Variants in ANKRD29 observed in about 807,000 individuals in gnomAD.
ANKRD29 encodes the protein ankyrin repeat domain 29, also known as ankyrin repeat domain-containing protein 29.
Under a neutral mutation model 38.0 loss-of-function variants are expected in ANKRD29, and 32 were observed. The ratio of observed to expected loss-of-function variants is 0.84; its 90% confidence interval spans 0.64 to 1.13. ANKRD29 has a LOEUF of 1.13. Ranked by LOEUF, ANKRD29 falls within the 50% of genes most tolerant of loss-of-function variation. ANKRD29 has a pLI of 0.00. For missense variants in ANKRD29, 357 were observed against 377.9 expected, an observed-to-expected ratio of 0.94 and a Z score of 0.46; for synonymous variants, 135 against 152.4, an observed-to-expected ratio of 0.89 and a Z score of 0.84.
chr18:23,635,338 A>G (rs1290030592), intron 4 of ANKRD29, among the ~76,000 whole-genome samples: 1 of 151,932 alleles, frequency 6.6e-6, no homozygotes, highest in Non-Finnish European at 1.5e-5. Flanking sequence ...TAAAGCACAC[A>G]TGCTCTGATG....
Position 23,629,897 on chromosome 18 carries a change from G to A in ANKRD29, c.484C>T (p.Arg162Ter), listed in dbSNP as rs544708383. 7.4e-6 allele frequency: 12 copies of A among 1,614,144 alleles called. No homozygotes were observed. Among genetic ancestry groups the A allele is most frequent in the East Asian group, 4.5e-5 (2 of 44,882 alleles). Residue 162 changes from arginine (R) to a stop codon, truncating the protein, a stop_gained, in exon 6 of 10, where the codon CGA becomes TGA. Transcript: ENST00000592179. LOFTEE classifies it high-confidence loss of function. ...TTTGCTCCTGAAGCCAGCAGTAATCGAATAACATCCAAGTAACCACCTTGG... is the reference window on the plus strand; with the variant it reads ...TTTGCTCCTGAAGCCAGCAGTAATCAAATAACATCCAAGTAACCACCTTGG... The part of the protein sequence containing the change: ...AAQGGYLDVI[R>*]LLLASGAKVN...
chr18:23,630,967 C>CAAAAAAAAAA (rs35627642), intron 5 of ANKRD29, among the ~76,000 whole-genome samples: 3 of 89,516 alleles, frequency 3.4e-5, no homozygotes, highest in East Asian at 3.3e-4. Context: ...GACCCTGTCT[C>CAAAAAAAAAA]AAAAAAAAAA....
At position 23,601,180 on chromosome 18, in the gene ANKRD29, A is replaced by G. The variant is rs1348673450; in HGVS notation, c.*46T>C. On this transcript the variant is annotated 3_prime_UTR_variant, in exon 10 of 10. Transcript: ENST00000592179. Reference sequence around the variant, plus strand: ...TGCTTGAAATGCAATTTCTTTTTGGACAATGTGGTTAAGCTTTCTATCTTT... The same window carrying G: ...TGCTTGAAATGCAATTTCTTTTTGGGCAATGTGGTTAAGCTTTCTATCTTT... The G allele has an allele frequency of 6.5e-7, 1 of 1,541,524 alleles. No individual in the cohort carries two copies. Among genetic ancestry groups the G allele is most frequent in the Admixed American group, 1.8e-5 (1 of 56,592 alleles).
chr18:23,634,370 A>G (rs1465590327), intron 4 of ANKRD29, among the ~76,000 whole-genome samples: 1 of 144,390 alleles, frequency 6.9e-6, no homozygotes, highest in Non-Finnish European at 1.5e-5. Flanking sequence ...GCTCACTGCA[A>G]TCTCCGCCTC....
intron 5 of ANKRD29, 24 bp downstream of exon 5, chr18:23,634,026 TA>T: frequency 3.1e-6 from 5 of 1,609,896 alleles, no homozygotes; most frequent in Non-Finnish European, 4.3e-6. Flanking sequence ...AGAAATGTCC[TA>T]ATGTCCCCCT....
intron 3 of ANKRD29, among the ~76,000 whole-genome samples, chr18:23,639,769 C>T (rs2060049746): frequency 6.6e-6 from 1 of 152,184 alleles, no homozygotes; most frequent in Non-Finnish European, 1.5e-5. Flanking sequence ...GTCCTGGCCT[C>T]AAGTGAGCTG....
chr18:23,647,197 G>C (rs2060150502), intron 2 of ANKRD29: 1 of 152,170 alleles, frequency 6.6e-6, no homozygotes, highest in African/African-American at 2.4e-5. Context: ...CTGACAGTAT[G>C]ATCTTGGGCA....
chr18:23,604,616 C>T (rs573420415), intron 9 of ANKRD29, among the ~76,000 whole-genome samples: 15 of 152,042 alleles, frequency 9.9e-5, no homozygotes, highest in East Asian at 9.7e-4. Context: ...CTGCAACCTC[C>T]GCCTCCCCGG....
At chr18:23,642,039 C>G (rs2060084891) in intron 3 of ANKRD29, among the ~76,000 whole-genome samples, 1 of 152,164 alleles carries the variant, frequency 6.6e-6, no homozygotes, top group East Asian at 1.9e-4. Context: ...GATGACCTGC[C>G]TGCAGAAAAG....
At chr18:23,605,410 C>T (rs2145630277) in intron 9 of ANKRD29, among the ~76,000 whole-genome samples, 1 of 152,148 alleles carries the variant, frequency 6.6e-6, no homozygotes, top group East Asian at 1.9e-4. Context: ...CTATGTTGCC[C>T]AGGCTGGTCT....
intron 9 of ANKRD29, among the ~76,000 whole-genome samples, chr18:23,602,256 G>A (rs2059523280): frequency 6.6e-6 from 1 of 152,000 alleles, no homozygotes. Flanking sequence ...GGCTGGTCTT[G>A]AACTCCTGAC....
chr18:23,662,693 G>T lies in ANKRD29; in HGVS notation c.21+17C>A, dbSNP rs1487932636. ...GAGCCCGGCCCCAGCCCTGACCCCG[G>T]AGTCCCGGTCGCTCACCTTGAAGGA... On this transcript the variant is annotated intron_variant, in intron 1 of 9. Coordinates refer to ENST00000592179, the MANE Select transcript of ANKRD29 (RefSeq NM_173505.4). 5.7e-6 allele frequency: 8 copies of T among 1,392,258 alleles called. No individual in the cohort carries two copies. Among genetic ancestry groups the T allele is most frequent in the South Asian group, 2.6e-5 (2 of 76,228 alleles). 86.2% of individuals were successfully genotyped at this position (1,392,258 alleles called of 1,614,324 possible). A position where few individuals can be genotyped will look rare whatever the true frequency, so the allele number is the denominator to read the frequency against.
At chr18:23,661,077 TGTAA>T (rs1282512545) in intron 1 of ANKRD29, among the ~76,000 whole-genome samples, 1 of 152,256 alleles carries the variant, frequency 6.6e-6, no homozygotes, top group African/African-American at 2.4e-5. Flanking sequence ...AGATGCTTGG[TGTAA>T]GTGACAGCAC....
At chr18:23,636,095 G>A (rs1397125085) in intron 4 of ANKRD29, among the ~76,000 whole-genome samples, 1 of 152,164 alleles carries the variant, frequency 6.6e-6, no homozygotes, top group African/African-American at 2.4e-5. Flanking sequence ...TAACAGAAAA[G>A]ATAAAATATG....
Position 23,649,082 on chromosome 18 carries a change from C to T in ANKRD29, c.132+1G>A, listed in dbSNP as rs757633403. ...GGCATGCATCTACCGAACCACCGTA[C>T]GCTGTCTCTGCAGTCCACGTCCACC... On this transcript the variant is annotated splice_donor_variant, in intron 2 of 9. Transcript: ENST00000592179. LOFTEE classifies it high-confidence loss of function. The T allele has an allele frequency of 1.7e-5, 27 of 1,613,594 alleles. No individual in the cohort carries two copies. The highest frequency in any genetic ancestry group is 2.0e-5 in the Non-Finnish European group (24 of 1,179,806).
intron 4 of ANKRD29, among the ~76,000 whole-genome samples, chr18:23,636,324 T>A (rs2060002316): frequency 6.6e-6 from 1 of 152,182 alleles, no homozygotes; most frequent in African/African-American, 2.4e-5. Flanking sequence ...TACTTTTTTA[T>A]AGATGGGGTC....
chr18:23,609,567 C>T (rs145516673), intron 9 of ANKRD29, among the ~76,000 whole-genome samples: 194 of 152,288 alleles, frequency 1.3e-3, no homozygotes, highest in African/African-American at 4.5e-3. Context: ...ACCCATTGGG[C>T]GGTTACACTT....
At chr18:23,656,664 A>G (rs2060287931) in intron 1 of ANKRD29, among the ~76,000 whole-genome samples, 1 of 152,244 alleles carries the variant, frequency 6.6e-6, no homozygotes, top group South Asian at 2.1e-4. Context: ...AAGGTAAATT[A>G]AATGAGTAAC....
chr18:23,652,460 C>T (rs186153758), intron 1 of ANKRD29, among the ~76,000 whole-genome samples: 9 of 152,242 alleles, frequency 5.9e-5, no homozygotes, highest in East Asian at 1.9e-4. Flanking sequence ...CAGTGACCCC[C>T]GGTGACCTCC....
Sources: gnomAD v4.1 joint callset for allele counts (sites outside exome capture counted in the v4.1 genomes callset) on GRCh38, gnomAD v4.1.1 for gene constraint, MANE v1.5 for transcripts, NCBI Gene and HGNC (gene_info 2026-07-23, HGNC 2026-07-21) for gene names.